TECPR1: variants seen among roughly 807,000 people sequenced by gnomAD.
TECPR1 encodes the protein tectonin beta-propeller repeat-containing protein 1.
In TECPR1, 122 loss-of-function variants were observed where a neutral mutation model predicts 162.4. The ratio of observed to expected loss-of-function variants is 0.75; its 90% CI spans 0.65 to 0.87. The LOEUF (loss-of-function observed/expected upper bound fraction) is 0.87. Ranked by LOEUF, TECPR1 falls within the 40% of genes least tolerant of loss-of-function variation. The pLI, the probability that TECPR1 is intolerant of heterozygous loss-of-function variation, is 0.00. For missense variants in TECPR1, 1,432 were observed against 1,618.2 expected (o/e 0.88, Z 1.97); for synonymous variants, 642 against 670.6 (o/e 0.96, Z 0.66).
chr7:98,242,533 C>T (rs1223028399), intron 6 of TECPR1, among the ~76,000 whole-genome samples: 1 of 151,256 alleles, frequency 6.6e-6, no homozygotes, highest in African/African-American at 2.4e-5. Context: ...CACTCACCCA[C>T]CCACCTACAC....
chr7:98,226,375 T>C (rs1798279980), intron 17 of TECPR1: 1 of 910,188 alleles, frequency 1.1e-6, no homozygotes, highest in East Asian at 1.2e-4. Context: ...CATAGGACGC[T>C]GAAAAGGTCA....
intron 25 of TECPR1, 90 bp from the exon 26 acceptor site, chr7:98,217,593 C>A: frequency 6.5e-7 from 1 of 1,534,638 alleles, no homozygotes; most frequent in Non-Finnish European, 8.8e-7. Flanking sequence ...AACCCAGACA[C>A]CGGGTCCCAG....
intron 23 of TECPR1, among the ~76,000 whole-genome samples, chr7:98,218,802 G>A (rs1326710675): frequency 6.6e-6 from 1 of 152,080 alleles, no homozygotes; most frequent in Admixed American, 6.6e-5. Context: ...TCATGAAAAT[G>A]ATCATACTGC....
In TECPR1 at chr7:98,243,037, T is replaced by A. The variant is rs1798807682; in HGVS notation, c.657+430A>T. On this transcript the variant is annotated intron_variant, in intron 6 of 25. Coordinates refer to ENST00000447648, the MANE Select transcript of TECPR1 (RefSeq NM_015395.3). ...ATCCACACACCCACCTATCCATCCT[T>A]CTGCCCACACACCCACCCATCCACC... Among the ~76,000 whole-genome samples the A allele has an allele frequency of 1.5e-4, 2 of 13,162 alleles. 1 individual carries two copies. Among genetic ancestry groups the A allele is most frequent in the Admixed American group, 2.6e-3 (2 of 756 alleles). The allele number at this position is 13,162 out of a possible 152,430, so 8.6% of individuals were successfully genotyped here.
intron 13 of TECPR1, 109 bp downstream of exon 13, chr7:98,231,695 C>T: frequency 7.2e-7 from 1 of 1,393,002 alleles, no homozygotes; most frequent in Admixed American, 1.9e-5. Context: ...CCCTGGGCAC[C>T]CTCATTTCTG....
rs1269303571 is a variant in TECPR1, at chr7:98,232,262, G to C, written c.1819-303C>G. Among the ~76,000 whole-genome samples the C allele has an allele frequency of 6.6e-6, 1 of 152,060 alleles. No homozygotes were observed. Among genetic ancestry groups the C allele is most frequent in the Non-Finnish European group, 1.5e-5 (1 of 68,012 alleles). The stretch of plus-strand genomic sequence containing the variant: ...TCGGGAGGGTTCCGTGCCTGGCTTT[G>C]GTGTCACAGAGTGAGCCAGCGGCAG... On this transcript the variant is annotated intron_variant, in intron 12 of 25. Transcript: ENST00000447648. This position sits in a 1 kb window ranked among gnomAD's most constrained non-coding sequence, Gnocchi z 4.6.
chr7:98,217,459 G>T lies in TECPR1; in HGVS notation c.3429C>A (p.Ala1143=). The stretch of plus-strand genomic sequence containing the variant: ...CCTGCTCCTGGGACGAGCTCCGGGG[G>T]GCCCTGGTGGCATTGGCCCGGACAG... The part of the protein sequence containing the change: ...HISVRANATR[A]PRSSSQEQEP... The change falls in exon 26 of 26, where the codon GCC becomes GCA. Residue 1143 remains alanine, a synonymous_variant. Coordinates refer to ENST00000447648, the MANE Select transcript of TECPR1 (RefSeq NM_015395.3). 6.2e-7 allele frequency: 1 copy of T among 1,610,414 alleles called. No individual in the cohort carries two copies. Among genetic ancestry groups the T allele is most frequent in the South Asian group, 1.1e-5 (1 of 90,610 alleles).
chr7:98,234,314 C>T (rs747578567), intron 10 of TECPR1, among the ~76,000 whole-genome samples: 15 of 152,192 alleles, frequency 9.9e-5, no homozygotes, highest in Non-Finnish European at 1.8e-4. Flanking sequence ...ACCACCACGC[C>T]TGGCTAATTT....
rs56064170 is a variant in TECPR1, at chr7:98,240,717, G to A, written c.933+134C>T. The A allele has an allele frequency of 6.0e-4, 471 of 786,890 alleles. 4 individuals are homozygous for A. The African/African-American group carries it at 7.2e-3, about 12-fold the overall frequency. 48.7% of individuals were successfully genotyped at this position (786,890 alleles called of 1,614,324 possible). A position where few individuals can be genotyped will look rare whatever the true frequency, so the allele number is the denominator to read the frequency against. On this transcript the variant is annotated intron_variant, in intron 8 of 25. Transcript: ENST00000447648. ...GACGTGAGCCACTGCACCCGGCCTG[G>A]GTTTTTCTTTTTTTTTAATTTGAGA...
At chr7:98,249,468 TG>T (rs1409682758) in intron 2 of TECPR1, among the ~76,000 whole-genome samples, 2 of 152,108 alleles carry the variant, frequency 1.3e-5, no homozygotes, top group Non-Finnish European at 2.9e-5. Flanking sequence ...CATCTGAAAC[TG>T]AGCTGGGACC....
intron 2 of TECPR1, among the ~76,000 whole-genome samples, chr7:98,247,069 T>C (rs1002806216): frequency 1.3e-5 from 2 of 151,202 alleles, no homozygotes; most frequent in African/African-American, 4.8e-5. Flanking sequence ...ACCCGGGAGA[T>C]GGAGGTTGCA....
Position 98,233,653 on chromosome 7 carries a change from G to C in TECPR1, c.1440C>G (p.Pro480=), listed in dbSNP as rs756371204. ...TGGTCCAGGGCAGCTCGGCCGGGGT[G>C]GGGGCCGGGCCGGGGTGCGTGTTGG... is the stretch of plus-strand genomic sequence containing the variant. ...ARPNTHPGPA[P]TPAELPWTNI... is the part of the protein sequence containing the mutation. The change falls in exon 11 of 26, where the codon CCC becomes CCG. Residue 480 remains proline, a synonymous_variant. Coordinates refer to ENST00000447648, the MANE Select transcript of TECPR1 (RefSeq NM_015395.3). The C allele has an allele frequency of 4.4e-6, 7 of 1,593,904 alleles. No individual in the cohort carries two copies. The highest frequency in any genetic ancestry group is 1.1e-5 in the South Asian group (1 of 89,334).
intron 14 of TECPR1, 26 bp from the exon 15 acceptor site, chr7:98,231,144 G>A (rs906922962): frequency 6.2e-7 from 1 of 1,603,712 alleles, no homozygotes; most frequent in South Asian, 1.1e-5. Context: ...GCCGGTCACT[G>A]CTGAGCAGGC....
intron 21 of TECPR1, 82 bp downstream of exon 21, chr7:98,222,907 TG>T: frequency 6.5e-7 from 1 of 1,545,534 alleles, no homozygotes; most frequent in Non-Finnish European, 8.8e-7. Context: ...CCTAGGGGCT[TG>T]TCCTGAGCAG....
chr7:98,217,248 T>C lies in TECPR1; in HGVS notation c.*142A>G, dbSNP rs1584316864. ...GCCGTCTCAGCCAGTGCCTCTGAAG[T>C]GGCCGCAGCCTTGGGGCCAGGTTCC... On this transcript the variant is annotated 3_prime_UTR_variant, in exon 26 of 26. Coordinates refer to ENST00000447648, the MANE Select transcript of TECPR1 (RefSeq NM_015395.3). The C allele has an allele frequency of 1.6e-6, 1 of 617,726 alleles. No individual in the cohort carries two copies. Among genetic ancestry groups the C allele is most frequent in the East Asian group, 2.8e-5 (1 of 35,858 alleles). 38.3% of individuals were successfully genotyped at this position (617,726 alleles called of 1,614,324 possible). A position where few individuals can be genotyped will look rare whatever the true frequency, so the allele number is the denominator to read the frequency against.
At chr7:98,223,820 G>T in intron 19 of TECPR1, 102 bp from the exon 20 acceptor site, 1 of 1,299,068 alleles carries the variant, frequency 7.7e-7, no homozygotes, top group Non-Finnish European at 1.1e-6. Flanking sequence ...AGGGCATGGG[G>T]ACTGGGTGGA....
chr7:98,237,818 G>A (rs937106387), intron 9 of TECPR1, among the ~76,000 whole-genome samples: 2 of 152,156 alleles, frequency 1.3e-5, no homozygotes, highest in Non-Finnish European at 2.9e-5. Flanking sequence ...ACCCAGGCTG[G>A]AGTGCGGTGG....
intron 9 of TECPR1, 115 bp downstream of exon 9, chr7:98,238,394 C>T: frequency 1.2e-6 from 1 of 851,912 alleles, no homozygotes; most frequent in Non-Finnish European, 1.9e-6. Context: ...TTGCTCAGTA[C>T]AATGGAGTGG....
At chr7:98,235,209 C>G (rs1798561426) in intron 10 of TECPR1, among the ~76,000 whole-genome samples, 1 of 152,168 alleles carries the variant, frequency 6.6e-6, no homozygotes. Context: ...TCAGCTGATT[C>G]TAATGTGCTT....
Sources: allele counts gnomAD v4.1 joint callset (sites outside exome capture counted in the v4.1 genomes callset), GRCh38; gene constraint gnomAD v4.1.1; non-coding constraint Gnocchi (gnomAD v3.1); transcripts MANE v1.5; gene names NCBI Gene and HGNC (gene_info 2026-07-23, HGNC 2026-07-21).